DIP2C: variants seen among roughly 807,000 people sequenced by gnomAD.
DIP2C encodes DIP2 acetate--CoA ligase C (putative).
Under a neutral mutation model 192.4 loss-of-function variants are expected in DIP2C, and 33 were observed. The observed-to-expected ratio is 0.17, with a 90% confidence interval of 0.13 to 0.23. The LOEUF (loss-of-function observed/expected upper bound fraction) is 0.23. Ranked by LOEUF, DIP2C falls within the 10% of genes least tolerant of loss-of-function variation. The pLI is 1.00. For synonymous variants in DIP2C, 979 were observed against 864.1 expected (o/e 1.13, Z -2.33); for missense variants, 1,537 against 2,110.1 (o/e 0.73, Z 5.32).
intron 29 of DIP2C, among the ~76,000 whole-genome samples, chr10:334,318 A>AAAG (rs925036351): frequency 8.6e-5 from 13 of 151,258 alleles, no homozygotes; most frequent in African/African-American, 2.9e-4. Context: ...AAAAAAAAAA[A>AAAG]AAAAAAAGAA....
At chr10:649,938 G>A (rs552765036) in intron 1 of DIP2C, 37 of 591,072 alleles carry the variant, frequency 6.3e-5, no homozygotes, top group Non-Finnish European at 7.5e-5. Context: ...CGGCGTTGCC[G>A]CACACCATTA....
chr10:370,785 A>G (rs1195628827), intron 17 of DIP2C, among the ~76,000 whole-genome samples: 1 of 152,242 alleles, frequency 6.6e-6, no homozygotes, highest in Non-Finnish European at 1.5e-5. Context: ...CTGGACTATA[A>G]GTTAGCTGTT....
chr10:513,731 C>T (rs1163125223), intron 1 of DIP2C, among the ~76,000 whole-genome samples: 1 of 151,552 alleles, frequency 6.6e-6, no homozygotes, highest in African/African-American at 2.4e-5. Context: ...CAAAGTAAAA[C>T]CAAAAACTCA....
At chr10:305,145 A>G (rs561152982) in intron 32 of DIP2C, among the ~76,000 whole-genome samples, 1 of 152,040 alleles carries the variant, frequency 6.6e-6, no homozygotes, top group East Asian at 1.9e-4. Context: ...ATATATACAC[A>G]ACACACTTGC....
rs954260394 is a variant in DIP2C at position 636,918 on chromosome 10, T to C, written c.85+52576A>G. Among the ~76,000 whole-genome samples the C allele has an allele frequency of 1.3e-5, 2 of 152,228 alleles. No homozygotes were observed. Among genetic ancestry groups the C allele is most frequent in the Non-Finnish European group, 2.9e-5 (2 of 68,042 alleles). ...CTGGTTCACGAGGGGCGGGAGCTCC[T>C]AGTCCTGCTCCCCGACGGCATAGCT... On this transcript the variant is annotated intron_variant, in intron 1 of 36. Coordinates refer to ENST00000280886, the MANE Select transcript of DIP2C (RefSeq NM_014974.3). The surrounding 1 kb of genome is among the most constrained non-coding windows in gnomAD (Gnocchi z 4.6).
intron 1 of DIP2C, among the ~76,000 whole-genome samples, chr10:517,050 A>G (rs1846409634): frequency 6.6e-6 from 1 of 151,836 alleles, no homozygotes; most frequent in South Asian, 2.1e-4. Flanking sequence ...AGTAGAGCAC[A>G]GAGGTTCAGG....
intron 2 of DIP2C, among the ~76,000 whole-genome samples, chr10:483,555 G>C (rs547055808): frequency 1.8e-4 from 27 of 152,208 alleles, no homozygotes; most frequent in Admixed American, 1.8e-3. Context: ...CAGGCGGCCC[G>C]GGCCGTCCTT....
At position 277,473 on chromosome 10, in the gene DIP2C, T is replaced by A; in HGVS notation, c.4523A>T (p.Glu1508Val). 1 of 1,614,168 alleles carries A rather than the reference T, an allele frequency of 6.2e-7. No individual in the cohort carries two copies. The highest frequency in any genetic ancestry group is 8.5e-7 in the Non-Finnish European group (1 of 1,180,034). ...CACTCCGACGATCAGGTAGTGCTCC[T>A]CCAGGACCACGTTGGTCACCAAGGG... ...LVPLVTNVVL[E>V]EHYLIVGVVV... The change falls in exon 37 of 37, where the codon GAG (glutamate) becomes GTG (valine). Residue 1508 changes from glutamate to valine, a missense_variant. Physicochemically the swap from Glu to Val is moderately radical, Grantham distance 121 (BLOSUM62 -2). Coordinates refer to ENST00000280886, the MANE Select transcript of DIP2C (RefSeq NM_014974.3).
rs1312753591 is a variant in DIP2C at position 636,549 on chromosome 10, A to C, written c.85+52945T>G. On this transcript the variant is annotated intron_variant, in intron 1 of 36. Coordinates refer to ENST00000280886, the MANE Select transcript of DIP2C (RefSeq NM_014974.3). This position sits in a 1 kb window ranked among gnomAD's most constrained non-coding sequence, Gnocchi z 4.6. ...AGAATAAAGGACCCTCTGCAGCCGC[A>C]GAACCATCATCGGCAGACAAGAACC... Among the ~76,000 whole-genome samples, 1 of 152,194 alleles carries C rather than the reference A, an allele frequency of 6.6e-6. No individual in the cohort carries two copies. The highest frequency in any genetic ancestry group is 1.5e-5 in the Non-Finnish European group (1 of 68,038).
At chr10:353,011 GAC>G (rs764955214) in intron 24 of DIP2C, among the ~76,000 whole-genome samples, 13 of 152,262 alleles carry the variant, frequency 8.5e-5, no homozygotes, top group African/African-American at 2.6e-4. Flanking sequence ...CACCGCAGGT[GAC>G]AGTCGTCATT....
intron 30 of DIP2C, 37 bp from the exon 31 acceptor site, chr10:327,213 C>T (rs190768791): frequency 6.3e-6 from 10 of 1,597,438 alleles, no homozygotes; most frequent in Non-Finnish European, 7.7e-6. Flanking sequence ...TCAGCCCCCA[C>T]GTGTCGAGCT....
intron 1 of DIP2C, among the ~76,000 whole-genome samples, chr10:508,518 G>A (rs1588337578): frequency 1.3e-5 from 2 of 152,172 alleles, no homozygotes; most frequent in South Asian, 2.1e-4. Context: ...CTGCTGCACT[G>A]TTACCATTGT....
In DIP2C at chr10:377,940, T is replaced by C. The variant is rs182540943; in HGVS notation, c.1991+4707A>G. Among the ~76,000 whole-genome samples the C allele has an allele frequency of 2.5e-3, 386 of 152,284 alleles. 6 individuals are homozygous for C. Among genetic ancestry groups the C allele is most frequent in the South Asian group, 0.024 (117 of 4,822 alleles). On this transcript the variant is annotated intron_variant, in intron 17 of 36. Transcript: ENST00000280886. Reference sequence around the variant, plus strand: ...TGTAGTTACAAAGCTAAAAATTATGTTTTTCAGTTCAATAAACATTTCACA... The same window carrying C: ...TGTAGTTACAAAGCTAAAAATTATGCTTTTCAGTTCAATAAACATTTCACA...
intron 26 of DIP2C, among the ~76,000 whole-genome samples, chr10:345,520 C>T (rs1361003230): frequency 1.6e-5 from 1 of 62,142 alleles, no homozygotes; most frequent in Non-Finnish European, 3.4e-5. Context: ...CACAAACACC[C>T]ATCCCAGACA....
At chr10:383,666 T>TCA (rs1468778067) in intron 16 of DIP2C, among the ~76,000 whole-genome samples, 2 of 152,164 alleles carry the variant, frequency 1.3e-5, no homozygotes, top group Non-Finnish European at 2.9e-5. Context: ...AGGGCTTACT[T>TCA]CACTTCATCC....
chr10:448,415 C>CT (rs1968506345), intron 3 of DIP2C, among the ~76,000 whole-genome samples: 3 of 135,474 alleles, frequency 2.2e-5, no homozygotes, highest in African/African-American at 2.8e-5. Flanking sequence ...GACCCACTCA[C>CT]CCCTGTCGAT....
chr10:337,665 ACG>A (rs1957913395), intron 29 of DIP2C, among the ~76,000 whole-genome samples: 3 of 23,938 alleles, frequency 1.3e-4, no homozygotes, highest in Admixed American at 4.7e-4. Context: ...CGGTGTGTGT[ACG>A]CGTGTGTGTT....
intron 1 of DIP2C, among the ~76,000 whole-genome samples, chr10:508,210 C>G (rs910655180): frequency 1.3e-5 from 2 of 152,144 alleles, no homozygotes; most frequent in African/African-American, 4.8e-5. Context: ...GGCTGAAAAT[C>G]TCTTCTGAAA....
chr10:289,197 T>TC (rs1955336575), intron 32 of DIP2C, among the ~76,000 whole-genome samples: 1 of 151,866 alleles, frequency 6.6e-6, no homozygotes, highest in African/African-American at 2.4e-5. Context: ...ACGACATGCC[T>TC]CCCACCTGGG....
Sources: allele counts gnomAD v4.1 joint callset (sites outside exome capture counted in the v4.1 genomes callset), GRCh38; gene constraint gnomAD v4.1.1; non-coding constraint Gnocchi (gnomAD v3.1); transcripts MANE v1.5; gene names NCBI Gene and HGNC (gene_info 2026-07-23, HGNC 2026-07-21).